Variants in MCPH1 observed in about 807,000 individuals in gnomAD.
MCPH1 encodes microcephalin.
In MCPH1, 104 loss-of-function variants were observed where a neutral mutation model predicts 84.5. That is an observed-to-expected ratio of 1.23 (90% CI 1.05 to 1.45). The LOEUF (loss-of-function observed/expected upper bound fraction) is 1.45, where lower values mean the gene tolerates loss of function less well. Among genes scored for constraint, MCPH1 ranks in the 40% most tolerant of loss-of-function variants. The pLI is 0.00. For synonymous variants in MCPH1, 514 were observed against 366.8 expected (o/e 1.40, Z -4.58); for missense variants, 1,498 against 1,005.7 (o/e 1.49, Z -6.62).
intron 13 of MCPH1, chr8:6,625,709 A>G (rs1286518622): frequency 1.0e-5 from 10 of 981,280 alleles, no homozygotes; most frequent in Admixed American, 1.2e-4. Flanking sequence ...GCTTGAGCCC[A>G]TAAGTTCAAG....
intron 3 of MCPH1, among the ~76,000 whole-genome samples, chr8:6,422,638 G>A (rs1428680976): frequency 2.0e-5 from 3 of 152,086 alleles, no homozygotes; most frequent in Non-Finnish European, 4.4e-5. Flanking sequence ...CTTTCTCAAG[G>A]GGCTCATGCA....
At chr8:6,421,724 C>T (rs1530409) in intron 3 of MCPH1, among the ~76,000 whole-genome samples, 100,968 of 152,050 alleles carry the variant, frequency 0.66, 37,603 homozygotes, top group Non-Finnish European at 0.81. Flanking sequence ...TTACGGCCCA[C>T]GAAGCCTAAG....
chr8:6,619,981 G>T (rs927980880), intron 12 of MCPH1, among the ~76,000 whole-genome samples: 39 of 152,340 alleles, frequency 2.6e-4, no homozygotes, highest in African/African-American at 9.4e-4. Flanking sequence ...TTGGCCCCGT[G>T]ATGCTAGGGA....
At chr8:6,572,241 A>G (rs1437986490) in intron 12 of MCPH1, among the ~76,000 whole-genome samples, 1 of 152,170 alleles carries the variant, frequency 6.6e-6, no homozygotes, top group African/African-American at 2.4e-5. Flanking sequence ...CTAGTAAAAT[A>G]TTTACGGAAA....
chr8:6,422,738 GAGTGC>G (rs1392491668), intron 3 of MCPH1, among the ~76,000 whole-genome samples: 1 of 152,136 alleles, frequency 6.6e-6, no homozygotes, highest in Non-Finnish European at 1.5e-5. Flanking sequence ...GCCCAAGCTG[GAGTGC>G]AGTGGTGCGA....
chr8:6,484,226 C>G (rs974564562), intron 11 of MCPH1, among the ~76,000 whole-genome samples: 1 of 152,076 alleles, frequency 6.6e-6, no homozygotes, highest in Admixed American at 6.5e-5. Flanking sequence ...AACAGAACAG[C>G]TCAAACAAAA....
chr8:6,613,273 C>T (rs1830456794), intron 12 of MCPH1, among the ~76,000 whole-genome samples: 2 of 152,174 alleles, frequency 1.3e-5, no homozygotes, highest in African/African-American at 4.8e-5. Flanking sequence ...GGAGGACGAG[C>T]CGGGTAGAAA....
At chr8:6,415,571 T>C (rs2442543) in intron 3 of MCPH1, among the ~76,000 whole-genome samples, 147,917 of 152,102 alleles carry the variant, frequency 0.97, 72,055 homozygotes, top group East Asian at 1. Flanking sequence ...CCAGGCTGGT[T>C]TCAAACTTCT....
At chr8:6,439,175 T>A in intron 6 of MCPH1, 79 bp downstream of exon 6, 1 of 1,414,850 alleles carries the variant, frequency 7.1e-7, no homozygotes, top group Non-Finnish European at 9.7e-7. Flanking sequence ...TTTCTTTGCC[T>A]AGATATTTTA....
chr8:6,538,395 G>A (rs551602401), intron 12 of MCPH1, among the ~76,000 whole-genome samples: 1 of 152,334 alleles, frequency 6.6e-6, no homozygotes, highest in African/African-American at 2.4e-5. Context: ...CCCGCTGTCA[G>A]AGTCAGGAAT....
At chr8:6,437,465 G>A (rs780542920) in intron 5 of MCPH1, among the ~76,000 whole-genome samples, 2 of 152,214 alleles carry the variant, frequency 1.3e-5, no homozygotes, top group South Asian at 2.1e-4. Context: ...TCTTGACCTC[G>A]TGATCTGCCC....
intron 12 of MCPH1, among the ~76,000 whole-genome samples, chr8:6,551,162 A>G (rs4841262): frequency 0.1 from 15,834 of 152,124 alleles, 927 homozygotes; most frequent in African/African-American, 0.15. Flanking sequence ...TTAGGATTTT[A>G]AATCACTTAA....
Position 6,639,848 on chromosome 8 carries a change from G to A in MCPH1, c.2453-3146G>A, listed in dbSNP as rs906515411. Reference sequence around the variant, plus strand: ...AGCTACTTCATTCTTTTTAACCATTGGGAGGTACTGTAATTAATTTATGTG... The same window carrying A: ...AGCTACTTCATTCTTTTTAACCATTAGGAGGTACTGTAATTAATTTATGTG... On this transcript the variant is annotated intron_variant, in intron 13 of 13. Coordinates refer to ENST00000344683, the MANE Select transcript of MCPH1 (RefSeq NM_024596.5). Among the ~76,000 whole-genome samples, 4 of 151,856 alleles carry A rather than the reference G, an allele frequency of 2.6e-5. No homozygotes were observed. The South Asian group carries it at 8.3e-4, about 32-fold the overall frequency.
Position 6,593,986 on chromosome 8 carries a change from C to T in MCPH1, c.2215-27468C>T, listed in dbSNP as rs568721238. ...GAAGGCTGGTGGTGAGCTCCAGGTG[C>T]CTTCCCTATTGTCTCTTCTCTCCTA... On this transcript the variant is annotated intron_variant, in intron 12 of 13. Transcript: ENST00000344683. Among the ~76,000 whole-genome samples the T allele has an allele frequency of 2.0e-4, 31 of 152,328 alleles. 1 individual carries two copies. Among genetic ancestry groups the T allele is most frequent in the African/African-American group, 6.7e-4 (28 of 41,584 alleles).
In MCPH1 at chr8:6,505,419, A is replaced by G. The variant is rs1347033587; in HGVS notation, c.2214+5490A>G. ...TATAGAATATATATATTCTTTATAT[A>G]CATAAAGAATATATATATTCTTTAT... On this transcript the variant is annotated intron_variant, in intron 12 of 13. Transcript: ENST00000344683. 5.2e-4 allele frequency among the ~76,000 whole-genome samples: 36 copies of G among 69,716 alleles called. 11 individuals are homozygous for G. Among genetic ancestry groups the G allele is most frequent in the African/African-American group, 1.6e-3 (33 of 20,326 alleles). The allele number at this position is 69,716 out of a possible 152,430, so 45.7% of individuals were successfully genotyped here.
At chr8:6,504,032 G>C (rs1185385845) in intron 12 of MCPH1, among the ~76,000 whole-genome samples, 2 of 152,126 alleles carry the variant, frequency 1.3e-5, no homozygotes, top group African/African-American at 4.8e-5. Context: ...TATTCTATAA[G>C]CAGGGGCCGG....
At chr8:6,499,502 T>C (rs182062722) in intron 11 of MCPH1, 1 of 156,454 alleles carries the variant, frequency 6.4e-6, no homozygotes, top group African/African-American at 2.4e-5. Context: ...TCTGGAATAT[T>C]TACAGAGGAT....
At chr8:6,622,024 C>G (rs556905835) in intron 13 of MCPH1, 2 of 402,664 alleles carry the variant, frequency 5.0e-6, no homozygotes, top group South Asian at 3.7e-5. Flanking sequence ...CTTAGACCCT[C>G]CCTCCCCAGT....
chr8:6,465,778 C>T (rs190427414), intron 9 of MCPH1, among the ~76,000 whole-genome samples: 1 of 152,098 alleles, frequency 6.6e-6, no homozygotes, highest in East Asian at 1.9e-4. Context: ...TCCTCAGACA[C>T]GCGGTAAGGT....
Sources: gnomAD v4.1 joint callset for allele counts (sites outside exome capture counted in the v4.1 genomes callset) on GRCh38, gnomAD v4.1.1 for gene constraint, MANE v1.5 for transcripts, NCBI Gene and HGNC (gene_info 2026-07-23, HGNC 2026-07-21) for gene names.